Variants in BICD1 observed in about 807,000 individuals in gnomAD.
BICD1 encodes the protein BICD cargo adaptor 1.
A neutral mutation model predicts 92.5 loss-of-function variants in BICD1; 35 were observed. The observed-to-expected ratio is 0.38, with a 90% confidence interval of 0.29 to 0.50. BICD1 has a LOEUF of 0.50. BICD1 is among the 20% of genes least tolerant of loss of function. The pLI, the probability that BICD1 is intolerant of heterozygous loss-of-function variation, is 0.93. For missense variants in BICD1, 950 were observed against 1,189.8 expected, an observed-to-expected ratio of 0.80 and a Z score of 2.97; for synonymous variants, 429 against 465.1, an observed-to-expected ratio of 0.92 and a Z score of 1.00.
chr12:32,236,822 A>G (rs1012792038), intron 2 of BICD1, among the ~76,000 whole-genome samples: 1 of 151,444 alleles, frequency 6.6e-6, no homozygotes, highest in Admixed American at 6.6e-5. Flanking sequence ...GAGTGGTTCT[A>G]GATAGAAGAT....
chr12:32,319,904 C>G (rs77575655), intron 4 of BICD1, among the ~76,000 whole-genome samples: 9,398 of 152,222 alleles, frequency 0.062, 412 homozygotes, highest in Middle Eastern at 0.13. Flanking sequence ...GGGCCCCTCT[C>G]CCTCCATCTT....
chr12:32,353,801 C>T (rs994369667), intron 8 of BICD1: 7 of 152,140 alleles, frequency 4.6e-5, no homozygotes, highest in African/African-American at 1.7e-4. Flanking sequence ...CTGTTATTGA[C>T]TTTGCTTAAC....
chr12:32,341,817 G>T (rs1350861915), intron 8 of BICD1, among the ~76,000 whole-genome samples: 2 of 152,046 alleles, frequency 1.3e-5, no homozygotes, highest in Non-Finnish European at 2.9e-5. Flanking sequence ...ACCAATATAT[G>T]TTATTTTCCC....
chr12:32,306,462 T>C (rs1396703109), intron 4 of BICD1, among the ~76,000 whole-genome samples: 4 of 151,882 alleles, frequency 2.6e-5, no homozygotes, highest in Non-Finnish European at 4.4e-5. Context: ...GCCAGGATGG[T>C]CTCGATCTCC....
At chr12:32,230,100 A>G (rs1945830373) in intron 2 of BICD1, among the ~76,000 whole-genome samples, 1 of 152,096 alleles carries the variant, frequency 6.6e-6, no homozygotes, top group African/African-American at 2.4e-5. Context: ...ACTGCGGTGG[A>G]AGCAAGGTCA....
rs1196435727 is a variant in BICD1 at position 32,294,155 on chromosome 12, T to C, written c.579+9T>C. 3.8e-6 allele frequency: 6 copies of C among 1,583,486 alleles called. No homozygotes were observed. The highest frequency in any genetic ancestry group is 1.2e-5 in the South Asian group (1 of 85,448). ...CGTTGAAGCAGAACCAGGTAAGGTT[T>C]AAGAAATTTTTTGTTATACTGAAGA... On this transcript the variant is annotated intron_variant, in intron 3 of 9. Coordinates refer to ENST00000652176, the MANE Select transcript of BICD1 (RefSeq NM_001714.4).
At chr12:32,363,322 G>C (rs572902614) in intron 8 of BICD1, among the ~76,000 whole-genome samples, 1 of 152,088 alleles carries the variant, frequency 6.6e-6, no homozygotes, top group Non-Finnish European at 1.5e-5. Context: ...AGGAGATTGA[G>C]GCAGGAGGAT....
At chr12:32,292,467 A>G (rs1175137259) in intron 2 of BICD1, among the ~76,000 whole-genome samples, 1 of 152,156 alleles carries the variant, frequency 6.6e-6, no homozygotes, top group Non-Finnish European at 1.5e-5. Context: ...GGACTTCAAC[A>G]TGTCTTTTTT....
chr12:32,147,134 C>T (rs1003921363), intron 1 of BICD1, among the ~76,000 whole-genome samples: 2 of 151,910 alleles, frequency 1.3e-5, no homozygotes, highest in African/African-American at 4.8e-5. Flanking sequence ...GACATGGGAC[C>T]TCCCTATGTT....
Position 32,216,253 on chromosome 12 carries a change from G to T in BICD1, c.220G>T (p.Gly74Trp). The T allele has an allele frequency of 1.2e-6, 2 of 1,613,352 alleles. No homozygotes were observed. The highest frequency in any genetic ancestry group is 1.7e-6 in the Non-Finnish European group (2 of 1,179,906). Reference protein sequence around the residue: ...QELEQLKEAFGQSFSIHRKVA... With the variant: ...QELEQLKEAFWQSFSIHRKVA... ...CTTCCCATATACTCTGCAGGCATTT[G>T]GGCAGTCCTTCTCCATCCACCGGAA... Residue 74 changes from glycine to tryptophan, a missense_variant, in exon 2 of 10, where the codon GGG (glycine) becomes TGG (tryptophan). Coordinates refer to ENST00000652176, the MANE Select transcript of BICD1 (RefSeq NM_001714.4).
intron 8 of BICD1, among the ~76,000 whole-genome samples, chr12:32,350,237 C>T (rs1263577090): frequency 5.9e-5 from 9 of 152,164 alleles, no homozygotes; most frequent in African/African-American, 1.9e-4. Flanking sequence ...AATCCCCGCA[C>T]TTTGGGAGGC....
chr12:32,156,595 T>G (rs1364453689), intron 1 of BICD1, among the ~76,000 whole-genome samples: 3 of 152,232 alleles, frequency 2.0e-5, no homozygotes, highest in South Asian at 2.1e-4. Context: ...TCATTTCCCC[T>G]AAAATTCTGA....
intron 1 of BICD1, among the ~76,000 whole-genome samples, chr12:32,192,636 G>T (rs1944609619): frequency 6.6e-6 from 1 of 152,196 alleles, no homozygotes; most frequent in African/African-American, 2.4e-5. Flanking sequence ...GCTATGGAAG[G>T]AGAGTTTGGT....
At chr12:32,357,533 C>T (rs1157509625) in intron 8 of BICD1, among the ~76,000 whole-genome samples, 2 of 152,148 alleles carry the variant, frequency 1.3e-5, no homozygotes, top group East Asian at 3.9e-4. Context: ...GTATCAAAGG[C>T]TGTGTTAGTC....
At chr12:32,370,438 A>C (rs1339111179) in intron 9 of BICD1, among the ~76,000 whole-genome samples, 2 of 145,228 alleles carry the variant, frequency 1.4e-5, no homozygotes, top group Non-Finnish European at 3.0e-5. Flanking sequence ...AACTCGTCTC[A>C]GTGGGATTCT....
At chr12:32,372,338 G>A (rs984449972) in intron 9 of BICD1, among the ~76,000 whole-genome samples, 3 of 152,152 alleles carry the variant, frequency 2.0e-5, no homozygotes, top group Non-Finnish European at 4.4e-5. Context: ...AAATTAGCCA[G>A]GCATGGTGGC....
At chr12:32,219,963 G>A (rs930386851) in intron 2 of BICD1, among the ~76,000 whole-genome samples, 8 of 152,050 alleles carry the variant, frequency 5.3e-5, no homozygotes, top group Admixed American at 2.6e-4. Flanking sequence ...TCTGATCTTT[G>A]ACAAACCTGA....
chr12:32,196,032 A>G (rs1944716563), intron 1 of BICD1, among the ~76,000 whole-genome samples: 1 of 152,214 alleles, frequency 6.6e-6, no homozygotes, highest in Admixed American at 6.5e-5. Context: ...GCTGACAGAC[A>G]TGTGAAAAGT....
intron 8 of BICD1, among the ~76,000 whole-genome samples, chr12:32,342,770 G>C (rs1437130686): frequency 3.3e-5 from 5 of 152,120 alleles, no homozygotes; most frequent in Non-Finnish European, 7.4e-5. Context: ...TTCTGTACAA[G>C]AGTTACTTTC....
Sources: gnomAD v4.1 joint callset for allele counts (sites outside exome capture counted in the v4.1 genomes callset) on GRCh38, gnomAD v4.1.1 for gene constraint, MANE v1.5 for transcripts, NCBI Gene and HGNC (gene_info 2026-07-23, HGNC 2026-07-21) for gene names.